Variants in TMC1 observed in about 807,000 individuals in gnomAD.
TMC1 encodes transmembrane channel-like protein 1.
A neutral mutation model predicts 105.8 loss-of-function variants in TMC1; 84 were observed. That is an observed-to-expected ratio of 0.79 (90% CI 0.67 to 0.95). TMC1 has a LOEUF of 0.95. Among genes scored for constraint, TMC1 ranks in the 40% least tolerant of loss-of-function variants. The pLI, the probability that TMC1 is intolerant of heterozygous loss-of-function variation, is 0.00. For missense variants in TMC1, 817 were observed against 914.1 expected (o/e 0.89, Z 1.37); for synonymous variants, 315 against 311.5 (o/e 1.01, Z -0.12).
chr9:72,742,488 G>T lies in TMC1; in HGVS notation c.498G>T (p.Ala166=). The T allele has an allele frequency of 6.2e-7, 1 of 1,614,104 alleles. No homozygotes were observed. Among genetic ancestry groups the T allele is most frequent in the Non-Finnish European group, 8.5e-7 (1 of 1,180,002 alleles). ...GTGATTTTGAGAACTTCAAAGCTGCGTGTGTCCCATGGGAAAATAAAATCA... is the reference window on the plus strand; with the variant it reads ...GTGATTTTGAGAACTTCAAAGCTGCTTGTGTCCCATGGGAAAATAAAATCA... ...FLRDFENFKA[A]CVPWENKIKA... is the part of the protein sequence containing the mutation. The change falls in exon 10 of 24, where the codon GCG becomes GCT. Residue 166 remains alanine (A), a synonymous_variant. Transcript: ENST00000297784.
At chr9:72,700,420 T>TA (rs1826623303) in intron 7 of TMC1, 98 bp from the exon 8 acceptor site, 27 of 1,040,346 alleles carry the variant, frequency 2.6e-5, no homozygotes, top group Middle Eastern at 3.5e-4. Flanking sequence ...TGGTTACATT[T>TA]AAAAAAAATG....
chr9:72,568,318 A>T (rs2132086711), intron 1 of TMC1, among the ~76,000 whole-genome samples: 1 of 152,308 alleles, frequency 6.6e-6, no homozygotes, highest in African/African-American at 2.4e-5. Context: ...ACCCTATTCT[A>T]AAATGTTTCT....
At chr9:72,741,118 T>A (rs1318880760) in intron 9 of TMC1, 2 of 159,074 alleles carry the variant, frequency 1.3e-5, no homozygotes, top group African/African-American at 2.4e-5. Context: ...ATCTTTTTTT[T>A]TTTTGTTCAT....
At chr9:72,530,986 A>AATTATT (rs557992471) in intron 1 of TMC1, among the ~76,000 whole-genome samples, 8 of 150,458 alleles carry the variant, frequency 5.3e-5, no homozygotes, top group East Asian at 1.9e-4. Flanking sequence ...ACGCCCAGCT[A>AATTATT]ATTATTATTA....
At chr9:72,835,850 C>T in intron 23 of TMC1, 101 bp from the exon 24 acceptor site, 1 of 1,371,972 alleles carries the variant, frequency 7.3e-7, no homozygotes, top group Non-Finnish European at 1.0e-6. Flanking sequence ...TCATTCAGAA[C>T]CATTAAGCAC....
At chr9:72,546,777 C>T (rs1375191356) in intron 1 of TMC1, among the ~76,000 whole-genome samples, 1 of 152,170 alleles carries the variant, frequency 6.6e-6, no homozygotes, top group African/African-American at 2.4e-5. Context: ...AAAGTTAACC[C>T]AGAAAAGATA....
rs563800987 is a variant in TMC1, at chr9:72,837,393, G to A, written c.*1420G>A. The A allele has an allele frequency of 6.6e-6, 1 of 152,246 alleles. No homozygotes were observed. Among genetic ancestry groups the A allele is most frequent in the African/African-American group, 2.4e-5 (1 of 41,526 alleles). 9.4% of individuals were successfully genotyped at this position (152,246 alleles called of 1,614,324 possible). On this transcript the variant is annotated 3_prime_UTR_variant, in exon 24 of 24. Coordinates refer to ENST00000297784, the MANE Select transcript of TMC1 (RefSeq NM_138691.3). ...AACCACCACCTGACCATCACCAAAT[G>A]GTCACCTGACATTCCTGTGGGATGG...
At chr9:72,576,625 T>TG (rs1436696976) in intron 1 of TMC1, among the ~76,000 whole-genome samples, 2 of 128,854 alleles carry the variant, frequency 1.6e-5, no homozygotes, top group African/African-American at 6.7e-5. Flanking sequence ...TTTCTTTTTT[T>TG]TTTTTTTCTT....
At chr9:72,677,129 TAC>T (rs71495332) in intron 5 of TMC1, among the ~76,000 whole-genome samples, 19,723 of 144,680 alleles carry the variant, frequency 0.14, 1,268 homozygotes, top group African/African-American at 0.16. Context: ...GAACAGAAAT[TAC>T]ACACACACAC....
chr9:72,831,299 A>T (rs1357950687), intron 23 of TMC1, among the ~76,000 whole-genome samples: 1 of 152,178 alleles, frequency 6.6e-6, no homozygotes, highest in East Asian at 1.9e-4. Context: ...AAAACTCTTT[A>T]CATTAGTAGG....
At chr9:72,692,964 C>CA (rs1432502793) in intron 6 of TMC1, among the ~76,000 whole-genome samples, 1 of 151,870 alleles carries the variant, frequency 6.6e-6, no homozygotes, top group Non-Finnish European at 1.5e-5. Flanking sequence ...ACTAAAAATA[C>CA]AAAAAATTAG....
intron 18 of TMC1, among the ~76,000 whole-genome samples, chr9:72,807,372 G>T (rs1411451648): frequency 6.6e-6 from 1 of 152,144 alleles, no homozygotes; most frequent in African/African-American, 2.4e-5. Context: ...TTAGTGGATG[G>T]GATCACCGTT....
chr9:72,695,818 T>C (rs1826541096), intron 7 of TMC1, among the ~76,000 whole-genome samples: 1 of 152,164 alleles, frequency 6.6e-6, no homozygotes, highest in African/African-American at 2.4e-5. Context: ...TTCCCCAGCT[T>C]TTCCTTTCTC....
At chr9:72,579,632 ATG>A (rs1824442720) in intron 2 of TMC1, among the ~76,000 whole-genome samples, 1 of 152,220 alleles carries the variant, frequency 6.6e-6, no homozygotes, top group African/African-American at 2.4e-5. Flanking sequence ...ATGGAAGTGT[ATG>A]TGAAGTTGCT....
At position 72,820,916 on chromosome 9, in the gene TMC1, G is replaced by GC; in HGVS notation, c.1839dup (p.Trp614LeufsTer10). 1 of 1,614,170 alleles carries GC rather than the reference G, an allele frequency of 6.2e-7. No homozygotes were observed. Among genetic ancestry groups the GC allele is most frequent in the East Asian group, 2.2e-5 (1 of 44,884 alleles). Reference sequence around the variant, plus strand: ...CTCCATACATCCATGTACTTCCAGTGCTGGGCCGTTATGTGCTGCAATGTT... The same window carrying GC: ...CTCCATACATCCATGTACTTCCAGTGCCTGGGCCGTTATGTGCTGCAATGTT... On this transcript the variant is annotated frameshift_variant, in exon 20 of 24. Coordinates refer to ENST00000297784, the MANE Select transcript of TMC1 (RefSeq NM_138691.3). LOFTEE classifies it high-confidence loss of function.
At chr9:72,774,281 A>T (rs1167914483) in intron 13 of TMC1, among the ~76,000 whole-genome samples, 2 of 152,232 alleles carry the variant, frequency 1.3e-5, no homozygotes, top group Non-Finnish European at 2.9e-5. Flanking sequence ...AACTTCTAGT[A>T]GTCATTAAAT....
chr9:72,700,830 A>G (rs1051896114), intron 8 of TMC1, 187 bp downstream of exon 8: 9 of 222,910 alleles, frequency 4.0e-5, no homozygotes, highest in Non-Finnish European at 6.2e-5. Flanking sequence ...TTTATATATG[A>G]CTCATTATAT....
chr9:72,694,520 A>G (rs1333301113), intron 6 of TMC1, 23 bp from the exon 7 acceptor site: 1 of 1,609,368 alleles, frequency 6.2e-7, no homozygotes. Context: ...GACATTACTC[A>G]TTGAATCAAG....
intron 8 of TMC1, among the ~76,000 whole-genome samples, chr9:72,720,609 G>A (rs1054509346): frequency 3.9e-5 from 6 of 152,180 alleles, no homozygotes; most frequent in Non-Finnish European, 7.3e-5. Flanking sequence ...GGACAAGTAC[G>A]CCTGATCATA....
Sources: gnomAD v4.1 joint callset for allele counts (sites outside exome capture counted in the v4.1 genomes callset) on GRCh38, gnomAD v4.1.1 for gene constraint, MANE v1.5 for transcripts, NCBI Gene and HGNC (gene_info 2026-07-23, HGNC 2026-07-21) for gene names.